D2HGDH: variants seen among roughly 807,000 people sequenced by gnomAD.
D2HGDH encodes D-2-hydroxyglutarate dehydrogenase, also known as D-2-hydroxyglutarate dehydrogenase, mitochondrial.
A neutral mutation model predicts 46.9 loss-of-function variants in D2HGDH; 31 were observed. The ratio of observed to expected loss-of-function variants is 0.66; its 90% confidence interval spans 0.50 to 0.89. D2HGDH has a LOEUF of 0.89. Ranked by LOEUF, D2HGDH falls within the 40% of genes least tolerant of loss-of-function variation. The pLI is 0.00. For synonymous variants in D2HGDH, 364 were observed against 332.6 expected, an observed-to-expected ratio of 1.09 and a Z score of -1.03; for missense variants, 698 against 720.8, an observed-to-expected ratio of 0.97 and a Z score of 0.36.
chr2:241,755,311 C>T lies in D2HGDH; in HGVS notation c.1141-538C>T, dbSNP rs1239021266. On this transcript the variant is annotated intron_variant, in intron 8 of 9. Transcript: ENST00000321264. ...TGTCCCTGCCTCCCACCCGACATGC[C>T]CCTTGAGCTGCCTGGGCCCTGCTGT... The T allele has an allele frequency of 9.2e-6, 12 of 1,303,450 alleles. No homozygotes were observed. The South Asian group carries it at 1.4e-4, about 15-fold the overall frequency. 80.7% of individuals were successfully genotyped at this position (1,303,450 alleles called of 1,614,324 possible). A position where few individuals can be genotyped will look rare whatever the true frequency, so the allele number is the denominator to read the frequency against.
chr2:241,752,203 C>T (rs576526805), intron 8 of D2HGDH, among the ~76,000 whole-genome samples: 195 of 152,322 alleles, frequency 1.3e-3, no homozygotes, highest in African/African-American at 3.6e-3. Context: ...TCACCTTTGC[C>T]GCCTGACTGT....
Position 241,744,829 on chromosome 2 carries a change from T to A in D2HGDH, c.805T>A (p.Ser269Thr). 6.2e-7 allele frequency: 1 copy of A among 1,613,946 alleles called. No individual in the cohort carries two copies. Among genetic ancestry groups the A allele is most frequent in the African/African-American group, 1.3e-5 (1 of 74,936 alleles). ...EGTLGIITTV[S>T]ILCPPKPRAV... ...CACTTTGGGGATCATCACCACGGTG[T>A]CCATCTTGTGTCCACCCAAGCCCAG... Residue 269 changes from serine to threonine, a missense_variant, in exon 6 of 10, where the codon TCC becomes ACC. By Grantham distance (58) the Ser-to-Thr change is moderately conservative. Transcript: ENST00000321264.
At chr2:241,756,196 T>G (rs1698160162) in intron 9 of D2HGDH, among the ~76,000 whole-genome samples, 182 bp downstream of exon 9, 2 of 152,250 alleles carry the variant, frequency 1.3e-5, no homozygotes, top group African/African-American at 4.8e-5. Flanking sequence ...ATCGTTGTCA[T>G]GACTCGTTTT....
At chr2:241,760,535 A>G (rs1020293490) in intron 9 of D2HGDH, among the ~76,000 whole-genome samples, 27 of 148,946 alleles carry the variant, frequency 1.8e-4, no homozygotes, top group African/African-American at 6.8e-4. Context: ...GCCTTACCCA[A>G]TCAGTCAAAG....
intron 9 of D2HGDH, among the ~76,000 whole-genome samples, chr2:241,758,609 T>C (rs979230699): frequency 2.2e-4 from 34 of 151,854 alleles, no homozygotes; most frequent in African/African-American, 7.7e-4. Flanking sequence ...CCTGGCTAAC[T>C]AAAAAAAAAT....
intron 6 of D2HGDH, among the ~76,000 whole-genome samples, chr2:241,745,473 C>T (rs375217355): frequency 2.3e-4 from 35 of 152,320 alleles, no homozygotes; most frequent in African/African-American, 6.7e-4. Context: ...CGGCAGTCTT[C>T]GCGCGGGAGG....
At chr2:241,760,799 C>T (rs983130264) in intron 9 of D2HGDH, among the ~76,000 whole-genome samples, 24 of 152,280 alleles carry the variant, frequency 1.6e-4, no homozygotes, top group African/African-American at 5.3e-4. Context: ...GCACCAGCTC[C>T]TGCTGGGATC....
chr2:241,748,863 A>G, intron 6 of D2HGDH: 1 of 1,289,540 alleles, frequency 7.8e-7, no homozygotes, highest in African/African-American at 1.5e-5. Flanking sequence ...CTCCAACTGC[A>G]GTCACCTGTG....
At chr2:241,762,175 G>A (rs565100518) in intron 9 of D2HGDH, among the ~76,000 whole-genome samples, 64 of 148,806 alleles carry the variant, frequency 4.3e-4, no homozygotes, top group Non-Finnish European at 7.1e-4. Flanking sequence ...GGGTTCAGGC[G>A]ATTCTCCTGC....
chr2:241,745,966 C>T (rs191497422), intron 6 of D2HGDH, among the ~76,000 whole-genome samples: 14 of 152,252 alleles, frequency 9.2e-5, no homozygotes, highest in Admixed American at 3.3e-4. Context: ...CTCCTGGCCC[C>T]CCTTGGGCCA....
intron 6 of D2HGDH, 46 bp downstream of exon 6, chr2:241,744,923 G>A: frequency 6.2e-7 from 1 of 1,612,676 alleles, no homozygotes. Context: ...TTGGGCTCGA[G>A]CGTCTGCTCT....
chr2:241,758,573 C>T (rs1296455359), intron 9 of D2HGDH, among the ~76,000 whole-genome samples: 2 of 151,916 alleles, frequency 1.3e-5, no homozygotes, highest in Non-Finnish European at 2.9e-5. Context: ...ATCAAGCAGG[C>T]CCGCCACCTC....
chr2:241,748,724 CT>C (rs1157707951), intron 6 of D2HGDH: 2 of 881,886 alleles, frequency 2.3e-6, no homozygotes, highest in East Asian at 2.2e-4. Context: ...GGTGGGGCTC[CT>C]CACCACCTGA....
intron 9 of D2HGDH, among the ~76,000 whole-genome samples, chr2:241,764,169 C>T (rs977806327): frequency 2.7e-5 from 4 of 146,310 alleles, no homozygotes; most frequent in Non-Finnish European, 6.0e-5. Flanking sequence ...AGCACGCATC[C>T]GTGGGGACTG....
chr2:241,751,311 G>A lies in D2HGDH; in HGVS notation c.1063G>A (p.Gly355Ser), dbSNP rs139321130. Residue 355 changes from glycine to serine, a missense_variant, in exon 8 of 10, where the codon GGC becomes AGC. Coordinates refer to ENST00000321264, the MANE Select transcript of D2HGDH (RefSeq NM_152783.5). ...CGCAGGCCATGACGCTGAGAAGCTG[G>A]GCCACTTCCTGGAGCACGCGCTGGG... The part of the protein sequence containing the change: ...SNAGHDAEKL[G>S]HFLEHALGSG... 18,131 of 1,613,932 alleles carry A rather than the reference G, an allele frequency of 0.011. 157 individuals carry two copies. Among genetic ancestry groups the A allele is most frequent in the Non-Finnish European group, 0.013 (14,755 of 1,180,036 alleles).
chr2:241,755,882 G>T lies in D2HGDH; in HGVS notation c.1174G>T (p.Ala392Ser). The change falls in exon 9 of 10, where the codon GCG becomes TCG. Residue 392 changes from alanine to serine, a missense_variant. Coordinates refer to ENST00000321264, the MANE Select transcript of D2HGDH (RefSeq NM_152783.5). ...LWALRERITEALSRDGYVYKY... is the reference protein window; with the variant it reads ...LWALRERITESLSRDGYVYKY... ...GGCCCTGAGGGAAAGGATCACAGAG[G>T]CGCTGAGCCGGGATGGCTACGTGTA... The T allele has an allele frequency of 6.2e-7, 1 of 1,613,170 alleles. No homozygotes were observed. Among genetic ancestry groups the T allele is most frequent in the Non-Finnish European group, 8.5e-7 (1 of 1,179,588 alleles).
intron 6 of D2HGDH, among the ~76,000 whole-genome samples, chr2:241,746,887 CAA>C (rs148116391): frequency 1.6e-4 from 11 of 68,634 alleles, no homozygotes; most frequent in African/African-American, 1.7e-4. Context: ...GACTCCATCT[CAA>C]AAAAAAAAAA....
rs141837371 is a variant in D2HGDH at position 241,740,233 on chromosome 2, T to A, written c.293-800T>A. 1.2e-3 allele frequency among the ~76,000 whole-genome samples: 176 copies of A among 152,080 alleles called. 2 individuals carry two copies. The highest frequency in any genetic ancestry group is 4.0e-3 in the African/African-American group (166 of 41,440). ...TCCTAGTAACTGATTTGGTCTAGGA[T>A]AATCAAAGATGTTAATGGGTGAAGC... On this transcript the variant is annotated intron_variant, in intron 2 of 9. Coordinates refer to ENST00000321264, the MANE Select transcript of D2HGDH (RefSeq NM_152783.5).
rs1449440931 is a variant in D2HGDH at position 241,735,517 on chromosome 2, G to C, written c.292+1G>C. 2 of 1,604,976 alleles carry C rather than the reference G, an allele frequency of 1.2e-6. No individual in the cohort carries two copies. The highest frequency in any genetic ancestry group is 2.7e-5 in the African/African-American group (2 of 74,924). On this transcript the variant is annotated splice_donor_variant, in intron 2 of 9. Transcript: ENST00000321264. LOFTEE classifies it high-confidence loss of function. The stretch of plus-strand genomic sequence containing the variant: ...GTGGACTGGTTGCGGACGCTGCGAG[G>C]TGGGTGAGGCTTGGGAAGCTGCGGC...
Sources: gnomAD v4.1 joint callset for allele counts (sites outside exome capture counted in the v4.1 genomes callset) on GRCh38, gnomAD v4.1.1 for gene constraint, MANE v1.5 for transcripts, NCBI Gene and HGNC (gene_info 2026-07-23, HGNC 2026-07-21) for gene names.